The following KIFAP3 variants were observed in gnomAD, a reference collection of about 807,000 sequenced individuals.
KIFAP3 encodes the protein kinesin-associated protein 3.
In KIFAP3, 68 loss-of-function variants were observed where a neutral mutation model predicts 106.5. The observed-to-expected ratio is 0.64, with a 90% CI of 0.53 to 0.78. KIFAP3 has a LOEUF of 0.78. Ranked by LOEUF, KIFAP3 falls within the 30% of genes least tolerant of loss-of-function variation. The pLI is 0.00. For missense variants in KIFAP3, 780 were observed against 941.8 expected (o/e 0.83, Z 2.25); for synonymous variants, 320 against 311.5 (o/e 1.03, Z -0.29).
chr1:170,006,931 T>C (rs1289828063), intron 10 of KIFAP3, among the ~76,000 whole-genome samples: 1 of 152,142 alleles, frequency 6.6e-6, no homozygotes, highest in Admixed American at 6.6e-5. Context: ...GTCCAAGGAC[T>C]AAGCCCTGGG....
intron 10 of KIFAP3, among the ~76,000 whole-genome samples, chr1:170,012,864 C>T (rs903063243): frequency 3.3e-5 from 5 of 152,046 alleles, no homozygotes; most frequent in African/African-American, 1.2e-4. Context: ...AGGGGAACTC[C>T]CATTTATAAA....
At position 170,016,630 on chromosome 1, in the gene KIFAP3, T is replaced by C; in HGVS notation, c.1021-6A>G. 1.3e-6 allele frequency: 2 copies of C among 1,544,672 alleles called. No homozygotes were observed. The highest frequency in any genetic ancestry group is 1.7e-4 in the Middle Eastern group (1 of 5,788). On this transcript the variant is annotated splice_polypyrimidine_tract_variant and splice_region_variant and intron_variant, in intron 9 of 19. Coordinates refer to ENST00000361580, the MANE Select transcript of KIFAP3 (RefSeq NM_014970.4). ...TCAACAATATCCATTTCCACCTAAGTAAAATAATAATACAAATACAGTGAA... is the reference window on the plus strand; with the variant it reads ...TCAACAATATCCATTTCCACCTAAGCAAAATAATAATACAAATACAGTGAA...
chr1:169,966,498 G>A (rs1665638671), intron 17 of KIFAP3, among the ~76,000 whole-genome samples: 1 of 147,628 alleles, frequency 6.8e-6, no homozygotes, highest in Admixed American at 6.8e-5. Context: ...TGGCTTAACA[G>A]TATGAAAGCC....
At chr1:169,980,923 G>C (rs1015892000) in intron 15 of KIFAP3, among the ~76,000 whole-genome samples, 10 of 152,230 alleles carry the variant, frequency 6.6e-5, no homozygotes, top group East Asian at 5.8e-4. Flanking sequence ...CCAACATGGA[G>C]AAACCCCATT....
At position 170,035,498 on chromosome 1, in the gene KIFAP3, G is replaced by C; in HGVS notation, c.573C>G (p.Val191=). ...RVLREDWKQS[V]ELATNIIYIF... is the part of the protein sequence containing the mutation. ...TGTAAATTATGTTTGTAGCTAACTC[G>C]ACACTTTGCTTCCAGTCTTCTCTCA... The change falls in exon 6 of 20, where the codon GTC becomes GTG. Residue 191 remains valine, a synonymous_variant. Transcript: ENST00000361580. 2 of 1,609,432 alleles carry C rather than the reference G, an allele frequency of 1.2e-6. No homozygotes were observed. Among genetic ancestry groups the C allele is most frequent in the South Asian group, 2.2e-5 (2 of 90,458 alleles).
intron 2 of KIFAP3, among the ~76,000 whole-genome samples, chr1:170,047,564 T>C (rs1297869981): frequency 2.9e-5 from 4 of 136,208 alleles, no homozygotes; most frequent in Non-Finnish European, 6.0e-5. Flanking sequence ...GAGGTTGCAG[T>C]GAGCTGAGAT....
chr1:169,983,483 T>C (rs1365824343), intron 12 of KIFAP3, 101 bp from the exon 13 acceptor site: 1 of 714,234 alleles, frequency 1.4e-6, no homozygotes, highest in Admixed American at 2.5e-5. Context: ...TCTAGTAAAA[T>C]GCATAACTCT....
intron 18 of KIFAP3, among the ~76,000 whole-genome samples, chr1:169,956,701 A>G (rs1428656125): frequency 2.0e-5 from 3 of 151,478 alleles, no homozygotes; most frequent in Non-Finnish European, 2.9e-5. Context: ...TGCAGCCTCA[A>G]ACTCCTGGGT....
chr1:170,062,128 G>A (rs824668), intron 1 of KIFAP3, among the ~76,000 whole-genome samples: 39,131 of 150,768 alleles, frequency 0.26, 6,027 homozygotes, highest in East Asian at 0.49. Context: ...AAACCTGCAC[G>A]TTGTGCACAT....
intron 2 of KIFAP3, among the ~76,000 whole-genome samples, chr1:170,054,627 C>T (rs578173088): frequency 6.6e-6 from 1 of 152,140 alleles, no homozygotes; most frequent in South Asian, 2.1e-4. Flanking sequence ...TAATATGTAG[C>T]CATAAAAAAG....
intron 9 of KIFAP3, among the ~76,000 whole-genome samples, chr1:170,021,489 G>GA (rs530188136): frequency 1.6e-4 from 23 of 147,566 alleles, no homozygotes; most frequent in Non-Finnish European, 2.8e-4. Flanking sequence ...ACCCAGGCTG[G>GA]AGTGCAGTGA....
At chr1:169,984,770 T>C in intron 11 of KIFAP3, 80 bp from the exon 12 acceptor site, 1 of 712,450 alleles carries the variant, frequency 1.4e-6, no homozygotes, top group Non-Finnish European at 2.5e-6. Context: ...TTTATCATAA[T>C]GTGTTATCTT....
At chr1:170,034,289 G>T in intron 7 of KIFAP3, 83 bp downstream of exon 7, 1 of 1,331,598 alleles carries the variant, frequency 7.5e-7, no homozygotes, top group Non-Finnish European at 1.0e-6. Context: ...TTTTAAAAAA[G>T]AAAAAAGAAC....
intron 1 of KIFAP3, among the ~76,000 whole-genome samples, chr1:170,062,190 A>T (rs1025644209): frequency 1.3e-5 from 2 of 151,550 alleles, no homozygotes; most frequent in African/African-American, 4.8e-5. Context: ...TAAATAAATA[A>T]AATAAAACCA....
chr1:169,951,627 T>G (rs1015552157), intron 19 of KIFAP3, among the ~76,000 whole-genome samples: 1 of 151,902 alleles, frequency 6.6e-6, no homozygotes, highest in African/African-American at 2.4e-5. Flanking sequence ...CTTTTATTAG[T>G]TTATAAAGTA....
rs150805420 is a variant in KIFAP3, at chr1:169,994,156, T to C, written c.1184-1901A>G. On this transcript the variant is annotated intron_variant, in intron 10 of 19. Transcript: ENST00000361580. ...TTGAATCTCAAAACAATCTGTCAAA[T>C]AGGTCTTATCATCCCTATGTTTCAG... Among the ~76,000 whole-genome samples, 42 of 152,338 alleles carry C rather than the reference T, an allele frequency of 2.8e-4. 1 individual carries two copies. The highest frequency in any genetic ancestry group is 7.2e-4 in the African/African-American group (30 of 41,574).
chr1:169,974,558 T>TA (rs986810056), intron 16 of KIFAP3, among the ~76,000 whole-genome samples: 1 of 151,726 alleles, frequency 6.6e-6, no homozygotes, highest in Non-Finnish European at 1.5e-5. Context: ...AAGATATATT[T>TA]AAAATGTAGA....
intron 2 of KIFAP3, 93 bp downstream of exon 2, chr1:170,055,212 T>C (rs1670780517): frequency 3.6e-6 from 4 of 1,097,236 alleles, no homozygotes; most frequent in Non-Finnish European, 5.0e-6. Flanking sequence ...AATGCCATAA[T>C]TAATCACCTA....
intron 9 of KIFAP3, among the ~76,000 whole-genome samples, chr1:170,018,222 A>G (rs1327528206): frequency 6.6e-6 from 1 of 152,208 alleles, no homozygotes; most frequent in Non-Finnish European, 1.5e-5. Context: ...CCAGCTGTCA[A>G]TGGCTGCTTT....
Sources: gnomAD v4.1 joint callset for allele counts (sites outside exome capture counted in the v4.1 genomes callset) on GRCh38, gnomAD v4.1.1 for gene constraint, MANE v1.5 for transcripts, NCBI Gene and HGNC (gene_info 2026-07-23, HGNC 2026-07-21) for gene names.